The following ANKRD10 variants were observed in gnomAD, a reference collection of about 807,000 sequenced individuals.
ANKRD10 encodes the protein ankyrin repeat domain-containing protein 10.
Under a neutral mutation model 27.0 loss-of-function variants are expected in ANKRD10, and 14 were observed. That is an observed-to-expected ratio of 0.52 (90% confidence interval 0.34 to 0.81). The LOEUF (loss-of-function observed/expected upper bound fraction) is 0.81, where lower values mean the gene tolerates loss of function less well. Ranked by LOEUF, ANKRD10 falls within the 40% of genes least tolerant of loss-of-function variation. The pLI is 0.01. For missense variants in ANKRD10, 493 were observed against 544.0 expected (o/e 0.91, Z 0.93); for synonymous variants, 250 against 224.5 (o/e 1.11, Z -1.01).
intron 2 of ANKRD10, among the ~76,000 whole-genome samples, chr13:110,909,636 T>G (rs1041677124): frequency 1.3e-5 from 2 of 152,212 alleles, no homozygotes; most frequent in African/African-American, 4.8e-5. Flanking sequence ...CAAACTGCCT[T>G]ATAACTTACC....
chr13:110,912,283 T>C (rs1465722050), intron 1 of ANKRD10, among the ~76,000 whole-genome samples: 1 of 152,202 alleles, frequency 6.6e-6, no homozygotes, highest in Non-Finnish European at 1.5e-5. Context: ...CCATCTCAAC[T>C]CAAGGTTTCT....
intron 4 of ANKRD10, among the ~76,000 whole-genome samples, chr13:110,884,012 A>G (rs2064867745): frequency 6.6e-6 from 1 of 152,238 alleles, no homozygotes; most frequent in South Asian, 2.1e-4. Flanking sequence ...ATGGAATTTC[A>G]GATGCCTATT....
chr13:110,900,483 A>G (rs1360382099), intron 3 of ANKRD10: 8 of 1,186,310 alleles, frequency 6.7e-6, no homozygotes, highest in Non-Finnish European at 8.5e-6. Flanking sequence ...AAGCATCTCT[A>G]TCTGAATTCC....
At chr13:110,904,149 C>A (rs2065462372) in intron 3 of ANKRD10, 1 of 152,114 alleles carries the variant, frequency 6.6e-6, no homozygotes, top group African/African-American at 2.4e-5. Flanking sequence ...TATCTCCAGG[C>A]CAAAGGCTTA....
At chr13:110,891,943 G>A (rs1051850748) in intron 4 of ANKRD10, among the ~76,000 whole-genome samples, 2 of 145,122 alleles carry the variant, frequency 1.4e-5, no homozygotes, top group African/African-American at 5.1e-5. Context: ...GAACTCCTGA[G>A]CTCAAGTAAT....
rs760264983 is a variant in ANKRD10, at chr13:110,879,672, C to T, written c.1228G>A (p.Val410Met). The change falls in exon 6 of 6, where the codon GTG (valine) becomes ATG (methionine). Residue 410 changes from valine (V) to methionine (M), a missense_variant. By Grantham distance (21) the Val-to-Met change is conservative. Transcript: ENST00000267339. ...TGGTGCAGGTGCATGGTGCCCAGCA[C>T]GGCACTGTCGTACCGCTCCTGCACC... ...VKVQERYDSA[V>M]LGTMHLHHGS The T allele has an allele frequency of 2.1e-5, 34 of 1,613,614 alleles. No individual in the cohort carries two copies. The highest frequency in any genetic ancestry group is 5.5e-5 in the South Asian group (5 of 90,996).
chr13:110,882,360 A>G (rs2064836676), intron 5 of ANKRD10, among the ~76,000 whole-genome samples: 1 of 152,200 alleles, frequency 6.6e-6, no homozygotes, highest in South Asian at 2.1e-4. Flanking sequence ...GTGGAGTGCC[A>G]TGTCCCACAA....
intron 1 of ANKRD10, 39 bp from the exon 2 acceptor site, chr13:110,910,809 G>A: frequency 6.3e-7 from 1 of 1,585,868 alleles, no homozygotes; most frequent in South Asian, 1.1e-5. Context: ...ACGCAGACAT[G>A]TCAGTACACT....
At chr13:110,906,298 C>T (rs1211959091) in intron 2 of ANKRD10, among the ~76,000 whole-genome samples, 174 bp from the exon 3 acceptor site, 2 of 152,074 alleles carry the variant, frequency 1.3e-5, no homozygotes, top group Non-Finnish European at 2.9e-5. Flanking sequence ...AGGATGAGAA[C>T]GAACCAGGAG....
At chr13:110,912,587 T>C (rs1380837411) in intron 1 of ANKRD10, among the ~76,000 whole-genome samples, 3 of 152,182 alleles carry the variant, frequency 2.0e-5, no homozygotes, top group African/African-American at 7.2e-5. Flanking sequence ...ATTTAGAAAC[T>C]TGGATTTGGA....
rs781204566 is a variant in ANKRD10 at position 110,883,837 on chromosome 13, CAAGAT to C, written c.692-49_692-45del. On this transcript the variant is annotated intron_variant, in intron 4 of 5. Transcript: ENST00000267339. ...CTATTTCAGATTCCTTTGTCTGTAACAAGATAAGTGTTCAGACACACAGTTTACAT... is the reference window on the plus strand; with the variant it reads ...CTATTTCAGATTCCTTTGTCTGTAACAAGTGTTCAGACACACAGTTTACAT... 3.9e-6 allele frequency: 6 copies of C among 1,530,312 alleles called. No individual in the cohort carries two copies. In the Admixed American group the frequency reaches 5.3e-5, roughly 14 times the overall value. The allele number at this position is 1,530,312 out of a possible 1,614,324, so 94.8% of individuals were successfully genotyped here.
At chr13:110,892,863 G>A (rs187092483) in intron 4 of ANKRD10, 165 bp downstream of exon 4, 19 of 1,417,016 alleles carry the variant, frequency 1.3e-5, no homozygotes, top group East Asian at 1.3e-4. Context: ...TCCCATCTTC[G>A]CAGTGGCAGT....
At chr13:110,909,398 A>G (rs1041952347) in intron 2 of ANKRD10, among the ~76,000 whole-genome samples, 1 of 152,204 alleles carries the variant, frequency 6.6e-6, no homozygotes, top group African/African-American at 2.4e-5. Context: ...TGCCCAGCAC[A>G]TAAGGGTATT....
At chr13:110,894,353 C>A in intron 3 of ANKRD10, 2 of 259,226 alleles carry the variant, frequency 7.7e-6, no homozygotes, top group Non-Finnish European at 1.5e-5. Context: ...CTGTGTCACT[C>A]AAACAACCAC....
chr13:110,914,337 G>A (rs1323133046), intron 1 of ANKRD10, among the ~76,000 whole-genome samples: 3 of 152,146 alleles, frequency 2.0e-5, no homozygotes, highest in South Asian at 2.1e-4. Context: ...CTGCGAAATC[G>A]CTCGCGCCTC....
At chr13:110,883,904 A>G in intron 4 of ANKRD10, 111 bp from the exon 5 acceptor site, 1 of 1,238,416 alleles carries the variant, frequency 8.1e-7, no homozygotes, top group African/African-American at 1.5e-5. Flanking sequence ...AAACAATCAC[A>G]TAAAAAAAAA....
intron 4 of ANKRD10, among the ~76,000 whole-genome samples, chr13:110,884,708 TACC>T (rs1470308341): frequency 1.3e-5 from 2 of 152,244 alleles, no homozygotes; most frequent in African/African-American, 4.8e-5. Context: ...CTATCATGAA[TACC>T]ACAATTAACA....
At chr13:110,888,466 T>C (rs1201038241) in intron 4 of ANKRD10, among the ~76,000 whole-genome samples, 1 of 152,100 alleles carries the variant, frequency 6.6e-6, no homozygotes, top group East Asian at 1.9e-4. Flanking sequence ...CACATTTTTA[T>C]AAACAAATAT....
At position 110,892,944 on chromosome 13, in the gene ANKRD10, C is replaced by T. The variant is rs114227046; in HGVS notation, c.691+84G>A. ...ACCACCTGAAGTGAAGGTCTCATCT[C>T]GAAGGTGCGCTCAGCCATAAAAAGA... On this transcript the variant is annotated intron_variant, in intron 4 of 5. Coordinates refer to ENST00000267339, the MANE Select transcript of ANKRD10 (RefSeq NM_017664.4). The T allele has an allele frequency of 1.9e-4, 298 of 1,543,440 alleles. 2 individuals are homozygous for T. The African/African-American group carries it at 3.7e-3, about 19-fold the overall frequency.
Sources: gnomAD v4.1 joint callset for allele counts (sites outside exome capture counted in the v4.1 genomes callset) on GRCh38, gnomAD v4.1.1 for gene constraint, MANE v1.5 for transcripts, NCBI Gene and HGNC (gene_info 2026-07-23, HGNC 2026-07-21) for gene names.